Variants in RSPO2 observed in about 807,000 individuals in gnomAD.
The protein encoded by RSPO2 is R-spondin-2.
Under a neutral mutation model 30.9 loss-of-function variants are expected in RSPO2, and 14 were observed. The observed-to-expected ratio is 0.45, with a 90% CI of 0.30 to 0.71. The LOEUF is 0.71. Among genes scored for constraint, RSPO2 ranks in the 30% least tolerant of loss-of-function variants. The pLI is 0.08. For synonymous variants in RSPO2, 107 were observed against 96.4 expected, an observed-to-expected ratio of 1.11 and a Z score of -0.64; for missense variants, 264 against 301.9, an observed-to-expected ratio of 0.87 and a Z score of 0.93.
Position 107,900,856 on chromosome 8 carries a change from C to G in RSPO2, c.*219G>C. On this transcript the variant is annotated 3_prime_UTR_variant, in exon 6 of 6. Transcript: ENST00000276659. ...TCTCAGCACACACTGAGCCAAGTCA[C>G]GGGCTGTGCACTTACTCCTGCCTTC... The G allele has an allele frequency of 4.3e-6, 2 of 465,292 alleles. No individual in the cohort carries two copies. Among genetic ancestry groups the G allele is most frequent in the Non-Finnish European group, 3.8e-6 (1 of 264,080 alleles). The allele number at this position is 465,292 out of a possible 1,614,324, so 28.8% of individuals were successfully genotyped here.
chr8:108,010,931 C>T (rs528576832), intron 2 of RSPO2, among the ~76,000 whole-genome samples: 12 of 151,540 alleles, frequency 7.9e-5, no homozygotes, highest in Admixed American at 3.9e-4. Flanking sequence ...ATGTAAAGTG[C>T]CAGCCTGAGC....
intron 2 of RSPO2, among the ~76,000 whole-genome samples, chr8:108,070,278 C>CTTTTTTTTT (rs1050611219): frequency 9.9e-5 from 8 of 81,190 alleles, no homozygotes; most frequent in African/African-American, 2.4e-4. Context: ...GACCCCATCT[C>CTTTTTTTTT]TTTTTTTTTT....
At position 108,046,454 on chromosome 8, in the gene RSPO2, TATG is replaced by T. The variant is rs372626437; in HGVS notation, c.94+36088_94+36090del. Among the ~76,000 whole-genome samples, 143 of 152,180 alleles carry T rather than the reference TATG, an allele frequency of 9.4e-4. 2 individuals are homozygous for T. In the South Asian group the frequency reaches 0.028, roughly 30 times the overall value. Reference sequence around the variant, plus strand: ...GTAGACTAAACCATTAAGATGTGAATATGATATGATATAAAGGGGAAAAATAAA... The same window carrying T: ...GTAGACTAAACCATTAAGATGTGAATATATGATATAAAGGGGAAAAATAAA... On this transcript the variant is annotated intron_variant, in intron 2 of 5. Transcript: ENST00000276659.
chr8:107,909,179 C>A (rs142044505), intron 5 of RSPO2, among the ~76,000 whole-genome samples: 1 of 152,056 alleles, frequency 6.6e-6, no homozygotes, highest in Non-Finnish European at 1.5e-5. Flanking sequence ...TGACCCCTAC[C>A]CATGCTTCTA....
intron 2 of RSPO2, among the ~76,000 whole-genome samples, chr8:108,030,914 T>G (rs1259343022): frequency 6.6e-6 from 1 of 152,212 alleles, no homozygotes; most frequent in Non-Finnish European, 1.5e-5. Context: ...TCACATTCAT[T>G]GAAATCACTG....
At chr8:107,925,131 T>C (rs1812317343) in intron 5 of RSPO2, among the ~76,000 whole-genome samples, 1 of 152,098 alleles carries the variant, frequency 6.6e-6, no homozygotes, top group East Asian at 1.9e-4. Flanking sequence ...ATGATGGATT[T>C]AGAGGCTTGG....
rs922434019 is a variant in RSPO2, at chr8:107,939,744, GA to G, written c.616+18335del. Among the ~76,000 whole-genome samples, 3 of 150,894 alleles carry G rather than the reference GA, an allele frequency of 2.0e-5. No individual in the cohort carries two copies. The East Asian group carries it at 5.8e-4, about 29-fold the overall frequency. On this transcript the variant is annotated intron_variant, in intron 5 of 5. Transcript: ENST00000276659. ...TGCCTGCATTCTGGCAACATAACAA[GA>G]AAAAAAACATCTAGAATCTCAAAGT... is the stretch of plus-strand genomic sequence containing the variant.
rs192842366 is a variant in RSPO2, at chr8:107,944,122, A to G, written c.616+13958T>C. Among the ~76,000 whole-genome samples, 236 of 152,350 alleles carry G rather than the reference A, an allele frequency of 1.5e-3. 1 individual carries two copies. Among genetic ancestry groups the G allele is most frequent in the African/African-American group, 5.5e-3 (228 of 41,584 alleles). On this transcript the variant is annotated intron_variant, in intron 5 of 5. Coordinates refer to ENST00000276659, the MANE Select transcript of RSPO2 (RefSeq NM_178565.5). ...TAAGTTTATGGTAATAATCAAACTTATAATTCAAGTCTCTGGTTTATTATC... is the reference window on the plus strand; with the variant it reads ...TAAGTTTATGGTAATAATCAAACTTGTAATTCAAGTCTCTGGTTTATTATC...
intron 2 of RSPO2, among the ~76,000 whole-genome samples, chr8:108,036,281 C>T (rs79087583): frequency 0.012 from 1,873 of 152,286 alleles, 42 homozygotes; most frequent in African/African-American, 0.042. Context: ...AAGAATTATG[C>T]TAAATCTATT....
chr8:108,046,393 A>T (rs964349725), intron 2 of RSPO2, among the ~76,000 whole-genome samples: 1 of 152,188 alleles, frequency 6.6e-6, no homozygotes, highest in Non-Finnish European at 1.5e-5. Flanking sequence ...CTTTTAGACT[A>T]TTCAAAAGAT....
At chr8:108,060,437 T>C (rs1812414984) in intron 2 of RSPO2, among the ~76,000 whole-genome samples, 1 of 151,456 alleles carries the variant, frequency 6.6e-6, no homozygotes, top group Non-Finnish European at 1.5e-5. Flanking sequence ...GTATCAGTGA[T>C]TGAAGATGAA....
chr8:108,048,014 G>C (rs1811959569), intron 2 of RSPO2, among the ~76,000 whole-genome samples: 1 of 152,020 alleles, frequency 6.6e-6, no homozygotes, highest in South Asian at 2.1e-4. Context: ...ATAATTAACA[G>C]AACTTTTTGC....
chr8:107,957,672 T>C (rs1249101901), intron 5 of RSPO2, among the ~76,000 whole-genome samples: 1 of 152,154 alleles, frequency 6.6e-6, no homozygotes, highest in Non-Finnish European at 1.5e-5. Context: ...TACAGATGAT[T>C]TTACAGACTC....
At chr8:107,921,630 G>A (rs939482310) in intron 5 of RSPO2, among the ~76,000 whole-genome samples, 2 of 151,894 alleles carry the variant, frequency 1.3e-5, no homozygotes, top group African/African-American at 2.4e-5. Context: ...GCACCATCCT[G>A]ATAACAAAAC....
At chr8:108,014,235 A>T (rs1386578247) in intron 2 of RSPO2, among the ~76,000 whole-genome samples, 2 of 152,174 alleles carry the variant, frequency 1.3e-5, no homozygotes, top group Non-Finnish European at 2.9e-5. Context: ...ACACTTTTAC[A>T]CTGCTGGTGG....
chr8:107,943,845 G>C (rs931295080), intron 5 of RSPO2, among the ~76,000 whole-genome samples: 41 of 152,258 alleles, frequency 2.7e-4, no homozygotes, highest in African/African-American at 9.9e-4. Context: ...ATACTACAAG[G>C]AATCTGTGCA....
At chr8:108,018,847 A>G (rs1810972985) in intron 2 of RSPO2, among the ~76,000 whole-genome samples, 1 of 152,204 alleles carries the variant, frequency 6.6e-6, no homozygotes, top group Non-Finnish European at 1.5e-5. Flanking sequence ...TTTGGCCTTT[A>G]TATTTAATGA....
At chr8:108,061,292 CT>C (rs1234598134) in intron 2 of RSPO2, among the ~76,000 whole-genome samples, 1 of 151,814 alleles carries the variant, frequency 6.6e-6, no homozygotes, top group East Asian at 1.9e-4. Context: ...GGAGACCCAT[CT>C]CATGTGCAGA....
At chr8:108,076,515 C>G (rs1431476805) in intron 2 of RSPO2, among the ~76,000 whole-genome samples, 2 of 152,100 alleles carry the variant, frequency 1.3e-5, no homozygotes, top group African/African-American at 4.8e-5. Context: ...TATAAACTCA[C>G]TAATCCGATA....
Sources: allele counts gnomAD v4.1 joint callset (sites outside exome capture counted in the v4.1 genomes callset), GRCh38; gene constraint gnomAD v4.1.1; transcripts MANE v1.5; gene names NCBI Gene and HGNC (gene_info 2026-07-23, HGNC 2026-07-21).